ITGA9: variants seen among roughly 807,000 people sequenced by gnomAD.
ITGA9 encodes integrin alpha-9.
A neutral mutation model predicts 127.8 loss-of-function variants in ITGA9; 56 were observed. The ratio of observed to expected loss-of-function variants is 0.44; its 90% CI spans 0.35 to 0.55. The LOEUF is 0.55. Among genes scored for constraint, ITGA9 ranks in the 20% least tolerant of loss-of-function variants. The probability of loss-of-function intolerance (pLI) is 0.00; values close to 1 mark genes in which losing one functional copy is unlikely to be tolerated. For missense variants in ITGA9, 1,196 were observed against 1,347.1 expected, an observed-to-expected ratio of 0.89 and a Z score of 1.76; for synonymous variants, 508 against 514.5, an observed-to-expected ratio of 0.99 and a Z score of 0.17.
At chr3:37,466,952 C>G (rs1356571790) in intron 1 of ITGA9, among the ~76,000 whole-genome samples, 1 of 152,202 alleles carries the variant, frequency 6.6e-6, no homozygotes, top group East Asian at 1.9e-4. Context: ...TATAACTTAG[C>G]AGATGGCATC....
At chr3:37,700,369 T>C (rs1381810649) in intron 18 of ITGA9, among the ~76,000 whole-genome samples, 2 of 150,298 alleles carry the variant, frequency 1.3e-5, no homozygotes, top group African/African-American at 4.9e-5. Flanking sequence ...CAATGACTTT[T>C]TTGAGACAAG....
chr3:37,517,101 G>GA (rs950280828), intron 9 of ITGA9, among the ~76,000 whole-genome samples: 4 of 152,120 alleles, frequency 2.6e-5, no homozygotes, highest in Admixed American at 6.5e-5. Context: ...GCACAGGAAA[G>GA]AAAAAATAGA....
At chr3:37,780,160 C>T (rs1696959793) in intron 25 of ITGA9, 139 bp downstream of exon 25, 7 of 1,002,072 alleles carry the variant, frequency 7.0e-6, no homozygotes, top group South Asian at 2.6e-5. Context: ...CCCCTTTTGG[C>T]TGTCTACAAG....
intron 15 of ITGA9, among the ~76,000 whole-genome samples, chr3:37,618,348 C>A (rs894066322): frequency 1.3e-5 from 2 of 152,192 alleles, no homozygotes; most frequent in South Asian, 4.1e-4. Context: ...AGTACCTGGC[C>A]GTGTGAGGTG....
intron 9 of ITGA9, among the ~76,000 whole-genome samples, chr3:37,514,618 G>A (rs1698966086): frequency 6.6e-6 from 1 of 152,188 alleles, no homozygotes. Flanking sequence ...CACCCAGGCT[G>A]GAGTGCAGTG....
At chr3:37,600,390 C>T (rs1299502586) in intron 15 of ITGA9, among the ~76,000 whole-genome samples, 2 of 152,176 alleles carry the variant, frequency 1.3e-5, no homozygotes, top group Non-Finnish European at 2.9e-5. Flanking sequence ...GTTTAACCTG[C>T]TGTCCTATTC....
At chr3:37,506,186 T>C in intron 7 of ITGA9, 101 bp downstream of exon 7, 1 of 887,294 alleles carries the variant, frequency 1.1e-6, no homozygotes, top group African/African-American at 1.7e-5. Flanking sequence ...CTGAACATTC[T>C]ACTGGGTGGC....
At position 37,452,200 on chromosome 3, in the gene ITGA9, G is replaced by C. The variant is rs1314973236; in HGVS notation, c.-175G>C. ...GGGGCCGCCCCTGTGCTCGCCTTCA[G>C]CGCCCGCTCAGCCCGCCGTCCGCGC... On this transcript the variant is annotated 5_prime_UTR_variant, in exon 1 of 28. Transcript: ENST00000264741. The surrounding 1 kb of genome is among the most constrained non-coding windows in gnomAD (Gnocchi z 7.3). 1 of 172,740 alleles carries C rather than the reference G, an allele frequency of 5.8e-6. No individual in the cohort carries two copies. The highest frequency in any genetic ancestry group is 2.4e-5 in the African/African-American group (1 of 41,380). The allele number at this position is 172,740 out of a possible 1,614,324, so 10.7% of individuals were successfully genotyped here. A position where few individuals can be genotyped will look rare whatever the true frequency, so the allele number is the denominator to read the frequency against.
intron 15 of ITGA9, among the ~76,000 whole-genome samples, chr3:37,552,705 G>A (rs761622494): frequency 6.6e-6 from 1 of 152,230 alleles, no homozygotes; most frequent in Non-Finnish European, 1.5e-5. Context: ...ACACACACAC[G>A]TTTTTCGCAT....
intron 18 of ITGA9, among the ~76,000 whole-genome samples, chr3:37,684,835 A>G (rs1407115865): frequency 6.6e-6 from 1 of 152,142 alleles, no homozygotes; most frequent in East Asian, 1.9e-4. Context: ...GTTTTTTTAG[A>G]GTAAATTAAT....
At chr3:37,699,175 G>C (rs1249113421) in intron 18 of ITGA9, among the ~76,000 whole-genome samples, 1 of 152,128 alleles carries the variant, frequency 6.6e-6, no homozygotes, top group Admixed American at 6.5e-5. Flanking sequence ...GCATTCCCTG[G>C]ATGAACTGGT....
intron 15 of ITGA9, among the ~76,000 whole-genome samples, chr3:37,561,021 C>G (rs1226736425): frequency 6.6e-6 from 1 of 152,120 alleles, no homozygotes; most frequent in Non-Finnish European, 1.5e-5. Flanking sequence ...ATTCTAAGGA[C>G]TCCGGTCAGA....
intron 1 of ITGA9, among the ~76,000 whole-genome samples, chr3:37,455,793 G>A (rs1201236404): frequency 6.6e-6 from 1 of 152,174 alleles, no homozygotes. Context: ...GGAGAAGAAT[G>A]TGCTGGAAGT....
At position 37,779,997 on chromosome 3, in the gene ITGA9, GCTGAACACAGAAATA is replaced by G. The variant is rs1696956703; in HGVS notation, c.2769_2783del (p.Asn923_Leu927del). ...GTCGTACTATAGACATTTACATGCT[GCTGAACACAGAAATA>G]CTGAAAAAGGTAAGCCCTAATGAAC... On this transcript the variant is annotated inframe_deletion, in exon 25 of 28. Coordinates refer to ENST00000264741, the MANE Select transcript of ITGA9 (RefSeq NM_002207.3). The G allele has an allele frequency of 6.2e-7, 1 of 1,613,918 alleles. No individual in the cohort carries two copies. Among genetic ancestry groups the G allele is most frequent in the South Asian group, 1.1e-5 (1 of 91,074 alleles).
intron 24 of ITGA9, 52 bp downstream of exon 24, chr3:37,777,569 A>G: frequency 6.3e-7 from 1 of 1,592,336 alleles, no homozygotes; most frequent in Non-Finnish European, 8.6e-7. Flanking sequence ...CACTCGGAAG[A>G]CACCAGTTTT....
chr3:37,613,591 G>A (rs1700045063), intron 15 of ITGA9, among the ~76,000 whole-genome samples: 1 of 152,184 alleles, frequency 6.6e-6, no homozygotes, highest in Admixed American at 6.5e-5. Context: ...CAGTGTAAAA[G>A]TGTTCTTATC....
At chr3:37,781,724 G>A (rs1259439486) in intron 25 of ITGA9, among the ~76,000 whole-genome samples, 3 of 152,222 alleles carry the variant, frequency 2.0e-5, no homozygotes, top group African/African-American at 7.2e-5. Flanking sequence ...AAGACTAAAT[G>A]TGTTAATCTG....
chr3:37,781,466 G>A (rs1184617254), intron 25 of ITGA9, among the ~76,000 whole-genome samples: 3 of 152,178 alleles, frequency 2.0e-5, no homozygotes, highest in African/African-American at 7.2e-5. Context: ...ATGACGGTTT[G>A]TTTTGGTCCA....
At chr3:37,703,680 T>G (rs1449876397) in intron 18 of ITGA9, among the ~76,000 whole-genome samples, 4 of 152,254 alleles carry the variant, frequency 2.6e-5, no homozygotes, top group African/African-American at 4.8e-5. Flanking sequence ...CTTGCACTTT[T>G]CTCTGTTCTC....
Sources: gnomAD v4.1 joint callset for allele counts (sites outside exome capture counted in the v4.1 genomes callset) on GRCh38, gnomAD v4.1.1 for gene constraint, Gnocchi (gnomAD v3.1) non-coding constraint, MANE v1.5 for transcripts, NCBI Gene and HGNC (gene_info 2026-07-23, HGNC 2026-07-21) for gene names.